Variants in ITGA9 observed in about 807,000 individuals in gnomAD.
ITGA9 encodes integrin subunit alpha 9.
Under a neutral mutation model 127.8 loss-of-function variants are expected in ITGA9, and 56 were observed. The observed-to-expected ratio is 0.44, with a 90% confidence interval of 0.35 to 0.55. The LOEUF (loss-of-function observed/expected upper bound fraction) is 0.55. ITGA9 is among the 20% of genes least tolerant of loss of function. The probability of loss-of-function intolerance (pLI) is 0.00; values close to 1 mark genes in which losing one functional copy is unlikely to be tolerated. For synonymous variants in ITGA9, 508 were observed against 514.5 expected (o/e 0.99, Z 0.17); for missense variants, 1,196 against 1,347.1 (o/e 0.89, Z 1.76).
chr3:37,743,417 A>G (rs1696461593), intron 21 of ITGA9, among the ~76,000 whole-genome samples: 1 of 152,228 alleles, frequency 6.6e-6, no homozygotes. Context: ...CCGAAATCCA[A>G]GGGAAAATGC....
intron 1 of ITGA9, among the ~76,000 whole-genome samples, chr3:37,470,609 G>A (rs1698420288): frequency 6.6e-6 from 1 of 152,188 alleles, no homozygotes; most frequent in South Asian, 2.1e-4. Flanking sequence ...GGTTGTACGT[G>A]TTCCCACCCA....
intron 15 of ITGA9, among the ~76,000 whole-genome samples, chr3:37,563,011 C>T (rs368299028): frequency 6.6e-6 from 1 of 151,896 alleles, no homozygotes; most frequent in African/African-American, 2.4e-5. Context: ...GTCTCCATAT[C>T]CCCAGCACCA....
chr3:37,640,896 C>T (rs925687139), intron 16 of ITGA9, among the ~76,000 whole-genome samples: 3 of 152,140 alleles, frequency 2.0e-5, no homozygotes, highest in African/African-American at 7.2e-5. Flanking sequence ...GTGAGAAGCC[C>T]GGAAATGATG....
intron 15 of ITGA9, among the ~76,000 whole-genome samples, chr3:37,594,717 A>G (rs961654866): frequency 2.6e-5 from 4 of 152,198 alleles, no homozygotes; most frequent in Non-Finnish European, 5.9e-5. Context: ...ACATTGATAC[A>G]GTGCTAACAA....
At chr3:37,465,544 G>T (rs1221498380) in intron 1 of ITGA9, among the ~76,000 whole-genome samples, 1 of 152,198 alleles carries the variant, frequency 6.6e-6, no homozygotes, top group Non-Finnish European at 1.5e-5. Flanking sequence ...ATGGCCATGA[G>T]CAAGAAAGCA....
rs1363033829 is a variant in ITGA9 at position 37,817,737 on chromosome 3, A to G, written c.3010-1154A>G. 2.6e-5 allele frequency among the ~76,000 whole-genome samples: 4 copies of G among 152,198 alleles called. No individual in the cohort carries two copies. In the East Asian group the frequency reaches 5.8e-4, roughly 22 times the overall value. On this transcript the variant is annotated intron_variant, in intron 27 of 27. Transcript: ENST00000264741. ...GGAGGAAAGGTAAGCTTTGGGCTACAAACGTTGCTTCACTGTTTGGTGGTG... is the reference window on the plus strand; with the variant it reads ...GGAGGAAAGGTAAGCTTTGGGCTACGAACGTTGCTTCACTGTTTGGTGGTG...
chr3:37,717,566 A>G (rs1362662394), intron 18 of ITGA9, among the ~76,000 whole-genome samples: 1 of 152,196 alleles, frequency 6.6e-6, no homozygotes, highest in Admixed American at 6.5e-5. Context: ...CCTTCTTCAC[A>G]TGGTGGCAGG....
chr3:37,763,657 G>T (rs186075343), intron 23 of ITGA9, among the ~76,000 whole-genome samples: 7 of 152,272 alleles, frequency 4.6e-5, no homozygotes, highest in Non-Finnish European at 2.9e-5. Flanking sequence ...ATGCTTAGAG[G>T]ATAATTGCAA....
chr3:37,623,770 T>TA (rs1419416860), intron 15 of ITGA9, among the ~76,000 whole-genome samples: 1 of 151,986 alleles, frequency 6.6e-6, no homozygotes, highest in African/African-American at 2.4e-5. Context: ...ACTCTATCAT[T>TA]ACTGGAAATG....
intron 23 of ITGA9, among the ~76,000 whole-genome samples, chr3:37,754,508 C>T (rs1476568808): frequency 6.6e-6 from 1 of 152,212 alleles, no homozygotes; most frequent in African/African-American, 2.4e-5. Flanking sequence ...TTCATTCCTC[C>T]TCCTGCAAAA....
intron 3 of ITGA9, among the ~76,000 whole-genome samples, chr3:37,476,062 A>G (rs1324107044): frequency 1.3e-5 from 2 of 152,218 alleles, no homozygotes; most frequent in Non-Finnish European, 2.9e-5. Flanking sequence ...ATTTCATTGT[A>G]TGAATTCACC....
intron 15 of ITGA9, among the ~76,000 whole-genome samples, chr3:37,567,445 T>C (rs1001348548): frequency 2.6e-5 from 4 of 151,888 alleles, no homozygotes; most frequent in Non-Finnish European, 5.9e-5. Flanking sequence ...CTTCCAAATA[T>C]CATCTCATCA....
At chr3:37,685,714 CATTTAAGCT>C (rs1443779520) in intron 18 of ITGA9, among the ~76,000 whole-genome samples, 5 of 152,174 alleles carry the variant, frequency 3.3e-5, no homozygotes, top group African/African-American at 1.2e-4. Context: ...CTTCCAGCCT[CATTTAAGCT>C]ATTTCCAGAC....
chr3:37,744,690 G>A (rs1176518341), intron 22 of ITGA9, among the ~76,000 whole-genome samples: 4 of 152,148 alleles, frequency 2.6e-5, no homozygotes, highest in Non-Finnish European at 5.9e-5. Flanking sequence ...AGAGCCATGG[G>A]GTAATTTAGG....
chr3:37,592,336 C>T (rs1699828436), intron 15 of ITGA9, among the ~76,000 whole-genome samples: 1 of 152,156 alleles, frequency 6.6e-6, no homozygotes, highest in Non-Finnish European at 1.5e-5. Context: ...GCTTCCTCCA[C>T]GTGGTGATTC....
chr3:37,584,214 C>A (rs1270459296), intron 15 of ITGA9, among the ~76,000 whole-genome samples: 1 of 152,178 alleles, frequency 6.6e-6, no homozygotes, highest in Non-Finnish European at 1.5e-5. Flanking sequence ...TTTCTAGAAC[C>A]AGTTGGCTAC....
At chr3:37,782,900 G>A (rs1411661083) in intron 25 of ITGA9, among the ~76,000 whole-genome samples, 2 of 152,206 alleles carry the variant, frequency 1.3e-5, no homozygotes, top group Admixed American at 6.5e-5. Context: ...AGCACTTTGG[G>A]AGGCTGAGGT....
At chr3:37,614,898 A>G (rs58066387) in intron 15 of ITGA9, among the ~76,000 whole-genome samples, 196 of 152,346 alleles carry the variant, frequency 1.3e-3, no homozygotes, top group African/African-American at 4.4e-3. Flanking sequence ...ATATACAATC[A>G]TGTCATCTGC....
At chr3:37,530,717 G>GTTGTTTTTT (rs1699141239) in intron 13 of ITGA9, among the ~76,000 whole-genome samples, 2 of 86,240 alleles carry the variant, frequency 2.3e-5, no homozygotes, top group African/African-American at 9.5e-5. Context: ...CAGCTACCAG[G>GTTGTTTTTT]TTTTTTTTTT....
Sources: allele counts gnomAD v4.1 joint callset (sites outside exome capture counted in the v4.1 genomes callset), GRCh38; gene constraint gnomAD v4.1.1; transcripts MANE v1.5; gene names NCBI Gene and HGNC (gene_info 2026-07-23, HGNC 2026-07-21).